EPN2: variants seen among roughly 807,000 people sequenced by gnomAD.
EPN2 encodes the protein epsin-2.
Under a neutral mutation model 61.7 loss-of-function variants are expected in EPN2, and 34 were observed. The ratio of observed to expected loss-of-function variants is 0.55; its 90% CI spans 0.42 to 0.73. The LOEUF is 0.73. Ranked by LOEUF, EPN2 falls within the 30% of genes least tolerant of loss-of-function variation. The pLI is 0.00. For synonymous variants in EPN2, 349 were observed against 353.6 expected (o/e 0.99, Z 0.15); for missense variants, 714 against 839.2 (o/e 0.85, Z 1.84).
At chr17:19,277,508 G>C (rs1019177304) in intron 1 of EPN2, among the ~76,000 whole-genome samples, 8 of 152,138 alleles carry the variant, frequency 5.3e-5, no homozygotes, top group Non-Finnish European at 1.0e-4. Context: ...GCAGATGTTT[G>C]CTGGGAGAGA....
intron 4 of EPN2, among the ~76,000 whole-genome samples, chr17:19,303,210 C>T (rs752683139): frequency 2.0e-5 from 3 of 152,236 alleles, no homozygotes; most frequent in Non-Finnish European, 4.4e-5. Flanking sequence ...GTACACATCT[C>T]TTCCTGGAGA....
chr17:19,333,985 C>A lies in EPN2; in HGVS notation c.1657C>A (p.Pro553Thr), dbSNP rs1374451315. The A allele has an allele frequency of 1.3e-6, 2 of 1,576,150 alleles. No homozygotes were observed. The highest frequency in any genetic ancestry group is 1.7e-6 in the Non-Finnish European group (2 of 1,156,464). Residue 553 changes from proline (P) to threonine (T), a missense_variant, in exon 11 of 11, where the codon CCT becomes ACT. Physicochemically the swap from Pro to Thr is conservative, Grantham distance 38. Transcript: ENST00000314728. Reference protein sequence around the residue: ...GAPATSAPVNPFQVNQPQPLT... With the variant: ...GAPATSAPVNTFQVNQPQPLT... Reference sequence around the variant, plus strand: ...TCCCGCCACCTCGGCCCCTGTTAACCCTTTCCAGGTGAACCAGCCCCAGCC... The same window carrying A: ...TCCCGCCACCTCGGCCCCTGTTAACACTTTCCAGGTGAACCAGCCCCAGCC...
At chr17:19,288,512 G>A (rs1220220375) in intron 4 of EPN2, among the ~76,000 whole-genome samples, 1 of 152,192 alleles carries the variant, frequency 6.6e-6, no homozygotes, top group East Asian at 1.9e-4. Context: ...GTGAGGGTGA[G>A]CCTTGTGGAG....
Position 19,334,371 on chromosome 17 carries a change from C to G in EPN2, c.*117C>G. ...TTAGGGGTATTAGGGCTTTTCAGCT[C>G]CAGCTTCCTGATGAAAGGGCTGTCT... On this transcript the variant is annotated 3_prime_UTR_variant, in exon 11 of 11. Coordinates refer to ENST00000314728, the MANE Select transcript of EPN2 (RefSeq NM_014964.5). The surrounding 1 kb of genome is among the most constrained non-coding windows in gnomAD (Gnocchi z 4.9). 1.2e-6 allele frequency: 1 copy of G among 805,152 alleles called. No individual in the cohort carries two copies. The highest frequency in any genetic ancestry group is 4.0e-5 in the South Asian group (1 of 24,762). 49.9% of individuals were successfully genotyped at this position (805,152 alleles called of 1,614,324 possible).
intron 1 of EPN2, among the ~76,000 whole-genome samples, chr17:19,243,280 C>T (rs1265429517): frequency 1.4e-5 from 2 of 140,648 alleles, no homozygotes; most frequent in Admixed American, 7.5e-5. Context: ...AGTGCGGTGG[C>T]GCGATCTTGG....
At chr17:19,328,911 TC>T in intron 8 of EPN2, 24 bp downstream of exon 8, 1 of 1,591,734 alleles carries the variant, frequency 6.3e-7, no homozygotes, top group Non-Finnish European at 8.6e-7. Flanking sequence ...TCACCCACTT[TC>T]CTGCCTGGCC....
chr17:19,279,369 C>T (rs974909288), intron 1 of EPN2, among the ~76,000 whole-genome samples: 4 of 152,238 alleles, frequency 2.6e-5, no homozygotes, highest in Non-Finnish European at 5.9e-5. Flanking sequence ...TGCTTCCACC[C>T]ACAAGGTCAC....
chr17:19,333,292 T>C (rs1907245793), intron 10 of EPN2, among the ~76,000 whole-genome samples: 1 of 152,106 alleles, frequency 6.6e-6, no homozygotes, highest in Non-Finnish European at 1.5e-5. Context: ...TGCACACCAG[T>C]CATGGTTCCT....
At chr17:19,310,128 T>C (rs890876040) in intron 5 of EPN2, 131 bp downstream of exon 5, 2 of 678,354 alleles carry the variant, frequency 2.9e-6, no homozygotes, top group Non-Finnish European at 5.3e-6. Flanking sequence ...GAGATGGCAT[T>C]TCATGCTGCC....
intron 4 of EPN2, among the ~76,000 whole-genome samples, chr17:19,298,151 G>A (rs955742156): frequency 6.6e-6 from 1 of 152,102 alleles, no homozygotes; most frequent in African/African-American, 2.4e-5. Flanking sequence ...TGGGATTACA[G>A]GCGTGAGCCA....
chr17:19,285,315 G>GGCAT lies in EPN2; in HGVS notation c.596-305_596-304insGCAT, dbSNP rs2045393910. ...CAGATGCAGGGGTTGGAACAGTGGG[G>GGCAT]ATGCAGGAGCCTGGTTTGATCCACC... On this transcript the variant is annotated intron_variant, in intron 3 of 10. Coordinates refer to ENST00000314728, the MANE Select transcript of EPN2 (RefSeq NM_014964.5). The surrounding 1 kb of genome is among the most constrained non-coding windows in gnomAD (Gnocchi z 4.5). Among the ~76,000 whole-genome samples, 1 of 152,260 alleles carries GGCAT rather than the reference G, an allele frequency of 6.6e-6. No individual in the cohort carries two copies. Among genetic ancestry groups the GGCAT allele is most frequent in the Non-Finnish European group, 1.5e-5 (1 of 68,038 alleles).
intron 4 of EPN2, among the ~76,000 whole-genome samples, chr17:19,308,833 A>G (rs1905981770): frequency 2.0e-5 from 3 of 152,214 alleles, no homozygotes; most frequent in Admixed American, 2.0e-4. Context: ...AAACATCCTG[A>G]TGGCTGTGTA....
intron 1 of EPN2, among the ~76,000 whole-genome samples, chr17:19,251,280 A>G (rs559119692): frequency 3.9e-5 from 6 of 152,260 alleles, no homozygotes; most frequent in African/African-American, 1.4e-4. Context: ...TGGATAGGCA[A>G]TCACAGTGTC....
At chr17:19,299,451 C>T (rs1466585703) in intron 4 of EPN2, among the ~76,000 whole-genome samples, 1 of 152,242 alleles carries the variant, frequency 6.6e-6, no homozygotes. Flanking sequence ...GGTCCCCAGC[C>T]ATGATGAGAC....
intron 7 of EPN2, among the ~76,000 whole-genome samples, chr17:19,323,144 A>C (rs1906719108): frequency 6.6e-6 from 1 of 152,172 alleles, no homozygotes; most frequent in African/African-American, 2.4e-5. Flanking sequence ...CACTCCAGGG[A>C]GTTTACAGTG....
chr17:19,276,798 T>C (rs953370989), intron 1 of EPN2, among the ~76,000 whole-genome samples: 1 of 144,534 alleles, frequency 6.9e-6, no homozygotes, highest in Non-Finnish European at 1.5e-5. Context: ...TTTTGCTGTA[T>C]TGGGTCTAAA....
chr17:19,275,633 G>A (rs570838134), intron 1 of EPN2, among the ~76,000 whole-genome samples: 1 of 152,274 alleles, frequency 6.6e-6, no homozygotes, highest in South Asian at 2.1e-4. Flanking sequence ...GGGAACTGTG[G>A]GGCTTTGATT....
chr17:19,246,240 C>T (rs1354772083), intron 1 of EPN2, among the ~76,000 whole-genome samples: 1 of 152,132 alleles, frequency 6.6e-6, no homozygotes, highest in Non-Finnish European at 1.5e-5. Context: ...TGCCTGTAGT[C>T]CCAGCTACTT....
At chr17:19,296,474 G>A (rs1158278461) in intron 4 of EPN2, 1 of 151,930 alleles carries the variant, frequency 6.6e-6, no homozygotes, top group East Asian at 1.9e-4. Flanking sequence ...TGGTACAAAT[G>A]TAATAATGTA....
Sources: allele counts gnomAD v4.1 joint callset (sites outside exome capture counted in the v4.1 genomes callset), GRCh38; gene constraint gnomAD v4.1.1; non-coding constraint Gnocchi (gnomAD v3.1); transcripts MANE v1.5; gene names NCBI Gene and HGNC (gene_info 2026-07-23, HGNC 2026-07-21).